Variants in M1AP observed in about 807,000 individuals in gnomAD.
The protein encoded by M1AP is meiosis 1 associated protein.
A neutral mutation model predicts 51.2 loss-of-function variants in M1AP; 39 were observed. The ratio of observed to expected loss-of-function variants is 0.76; its 90% CI spans 0.59 to 1.00. M1AP has a LOEUF of 1.00. Among genes scored for constraint, M1AP ranks in the 50% least tolerant of loss-of-function variants. The pLI is 0.00. For synonymous variants in M1AP, 251 were observed against 249.2 expected (o/e 1.01, Z -0.07); for missense variants, 545 against 641.2 (o/e 0.85, Z 1.62).
intron 1 of M1AP, chr2:74,647,162 C>T (rs946980103): frequency 6.3e-6 from 6 of 949,308 alleles, no homozygotes; most frequent in Non-Finnish European, 5.0e-6. Context: ...AATTACACCA[C>T]TGGAAACAGA....
intron 1 of M1AP, among the ~76,000 whole-genome samples, chr2:74,645,701 C>A (rs1558705781): frequency 6.6e-6 from 1 of 152,196 alleles, no homozygotes; most frequent in African/African-American, 2.4e-5. Flanking sequence ...ATAACTATGA[C>A]TGCTGAACTA....
At position 74,575,490 on chromosome 2, in the gene M1AP, TC is replaced by T; in HGVS notation, c.1021del (p.Asp341MetfsTer18). ...ATGTTGCTGATTTGTCTCCAGCTCATCCCAGTCCAGCTGCCAACAGCTTGTA... is the reference window on the plus strand; with the variant it reads ...ATGTTGCTGATTTGTCTCCAGCTCATCCAGTCCAGCTGCCAACAGCTTGTA... ...RPTSCWQLDW[D>X]ELETNQQHFH... On this transcript the variant is annotated frameshift_variant, in exon 7 of 11. Transcript: ENST00000421985. LOFTEE classifies it high-confidence loss of function. The T allele has an allele frequency of 6.2e-7, 1 of 1,614,164 alleles. No homozygotes were observed. Among genetic ancestry groups the T allele is most frequent in the Non-Finnish European group, 8.5e-7 (1 of 1,180,014 alleles).
chr2:74,635,332 C>G (rs1443353316), intron 2 of M1AP, among the ~76,000 whole-genome samples: 1 of 152,056 alleles, frequency 6.6e-6, no homozygotes. Flanking sequence ...TGACACTCCC[C>G]TGTTTCATTC....
intron 3 of M1AP, among the ~76,000 whole-genome samples, chr2:74,613,214 A>G (rs1250693293): frequency 1.3e-5 from 2 of 152,152 alleles, no homozygotes; most frequent in African/African-American, 4.8e-5. Context: ...TAGAGCCCTT[A>G]GCATATTAAT....
intron 3 of M1AP, 47 bp downstream of exon 3, chr2:74,614,917 C>T: frequency 6.5e-7 from 1 of 1,534,648 alleles, no homozygotes; most frequent in South Asian, 1.1e-5. Context: ...CCTATATGGA[C>T]TGAAATCGGA....
chr2:74,561,244 G>A (rs915667258), intron 8 of M1AP, among the ~76,000 whole-genome samples: 432 of 82,380 alleles, frequency 5.2e-3, no homozygotes, highest in African/African-American at 0.017. Context: ...GGAGGAGGAG[G>A]AGGAGGAGGA....
chr2:74,581,176 C>A (rs1218173568), intron 5 of M1AP, among the ~76,000 whole-genome samples: 1 of 152,200 alleles, frequency 6.6e-6, no homozygotes, highest in Non-Finnish European at 1.5e-5. Context: ...GTCTTGGGCA[C>A]AGGTTGTCCT....
intron 9 of M1AP, 90 bp from the exon 10 acceptor site, chr2:74,559,799 T>C: frequency 1.4e-6 from 1 of 705,314 alleles, no homozygotes; most frequent in Non-Finnish European, 2.6e-6. Flanking sequence ...TAATTTCCCA[T>C]CCCTTGGGCA....
intron 2 of M1AP, among the ~76,000 whole-genome samples, chr2:74,627,157 T>G (rs906255926): frequency 3.9e-5 from 6 of 152,178 alleles, no homozygotes; most frequent in African/African-American, 1.4e-4. Flanking sequence ...AAACTATATA[T>G]ATTTATGACA....
At chr2:74,563,606 TAAAA>T (rs750014043) in intron 7 of M1AP, among the ~76,000 whole-genome samples, 1 of 54,646 alleles carries the variant, frequency 1.8e-5, no homozygotes, top group Admixed American at 2.1e-4. Flanking sequence ...TCTCAAAACA[TAAAA>T]AAAAAAAAAA....
intron 3 of M1AP, among the ~76,000 whole-genome samples, chr2:74,613,934 G>T (rs542011667): frequency 6.6e-6 from 1 of 152,286 alleles, no homozygotes; most frequent in South Asian, 2.1e-4. Flanking sequence ...GACTATAGGT[G>T]CACACCACCA....
intron 3 of M1AP, among the ~76,000 whole-genome samples, chr2:74,609,625 G>A (rs909752105): frequency 1.6e-4 from 24 of 152,132 alleles, no homozygotes; most frequent in Admixed American, 1.4e-3. Flanking sequence ...ATTTTTTGAG[G>A]AACCTTCATA....
intron 7 of M1AP, 87 bp downstream of exon 7, chr2:74,575,351 G>A: frequency 1.3e-6 from 2 of 1,580,212 alleles, no homozygotes; most frequent in South Asian, 1.2e-5. Context: ...GGCAGATTTA[G>A]GATTGGGCAG....
At chr2:74,633,739 A>G (rs1034437067) in intron 2 of M1AP, among the ~76,000 whole-genome samples, 3 of 152,188 alleles carry the variant, frequency 2.0e-5, no homozygotes, top group Non-Finnish European at 2.9e-5. Context: ...CTTTCTTACC[A>G]TAATTTAACA....
At chr2:74,619,999 T>C (rs1243048825) in intron 2 of M1AP, among the ~76,000 whole-genome samples, 2 of 152,204 alleles carry the variant, frequency 1.3e-5, no homozygotes, top group African/African-American at 4.8e-5. Context: ...TTTCTAGAGA[T>C]TTACGAAAAA....
intron 10 of M1AP, 127 bp from the exon 11 acceptor site, chr2:74,559,001 G>A (rs893328107): frequency 5.5e-6 from 5 of 902,958 alleles, no homozygotes; most frequent in Middle Eastern, 2.5e-4. Flanking sequence ...CCTCAAGGCC[G>A]AGGACAGTGA....
intron 2 of M1AP, among the ~76,000 whole-genome samples, chr2:74,637,365 C>T (rs1030974213): frequency 6.6e-6 from 1 of 152,196 alleles, no homozygotes; most frequent in African/African-American, 2.4e-5. Flanking sequence ...TAACAATTGT[C>T]TTAATGTCCT....
chr2:74,579,300 T>G (rs1262338990), intron 5 of M1AP, among the ~76,000 whole-genome samples: 1 of 152,174 alleles, frequency 6.6e-6, no homozygotes, highest in Non-Finnish European at 1.5e-5. Context: ...GCCCTCCTAA[T>G]GAAAGAAGTG....
At chr2:74,638,141 G>A (rs1393807709) in intron 2 of M1AP, among the ~76,000 whole-genome samples, 2 of 151,092 alleles carry the variant, frequency 1.3e-5, no homozygotes, top group South Asian at 2.1e-4. Flanking sequence ...TACAACCTCC[G>A]CCTCCAGGGT....
Sources: gnomAD v4.1 joint callset for allele counts (sites outside exome capture counted in the v4.1 genomes callset) on GRCh38, gnomAD v4.1.1 for gene constraint, MANE v1.5 for transcripts, NCBI Gene and HGNC (gene_info 2026-07-23, HGNC 2026-07-21) for gene names.